The following MRPL1 variants were observed in gnomAD, a reference collection of about 807,000 sequenced individuals.
The protein encoded by MRPL1 is large ribosomal subunit protein uL1m.
Under a neutral mutation model 38.0 loss-of-function variants are expected in MRPL1, and 28 were observed. That is an observed-to-expected ratio of 0.74 (90% CI 0.55 to 1.01). The LOEUF is 1.01. Among genes scored for constraint, MRPL1 ranks in the 50% least tolerant of loss-of-function variants. The pLI is 0.00. For synonymous variants in MRPL1, 123 were observed against 126.7 expected, an observed-to-expected ratio of 0.97 and a Z score of 0.20; for missense variants, 358 against 389.8, an observed-to-expected ratio of 0.92 and a Z score of 0.69.
intron 2 of MRPL1, among the ~76,000 whole-genome samples, chr4:77,878,574 C>CT (rs1735454589): frequency 6.6e-6 from 1 of 152,060 alleles, no homozygotes; most frequent in Non-Finnish European, 1.5e-5. Flanking sequence ...TATTATATCT[C>CT]TGATTTTTAA....
intron 1 of MRPL1, among the ~76,000 whole-genome samples, chr4:77,867,746 C>CT (rs71214374): frequency 0.093 from 8,570 of 91,748 alleles, 938 homozygotes; most frequent in East Asian, 0.1. Flanking sequence ...ATAGTTATTT[C>CT]TTTTTTTTTT....
chr4:77,916,860 G>A (rs1736434949), intron 7 of MRPL1, among the ~76,000 whole-genome samples: 1 of 152,056 alleles, frequency 6.6e-6, no homozygotes, highest in South Asian at 2.1e-4. Context: ...AGTATATGTT[G>A]AAAATTTTAT....
intron 7 of MRPL1, among the ~76,000 whole-genome samples, chr4:77,935,678 G>A (rs886580038): frequency 1.3e-5 from 2 of 152,204 alleles, no homozygotes; most frequent in South Asian, 2.1e-4. Flanking sequence ...TTACAGGTAT[G>A]AGCCACTGTG....
At chr4:77,878,610 T>A (rs941177821) in intron 2 of MRPL1, among the ~76,000 whole-genome samples, 2 of 152,208 alleles carry the variant, frequency 1.3e-5, no homozygotes, top group Non-Finnish European at 2.9e-5. Context: ...CCAGGTGCAG[T>A]GGCTCATGTC....
chr4:77,898,067 AT>A (rs1735959055), intron 6 of MRPL1, among the ~76,000 whole-genome samples: 1 of 151,982 alleles, frequency 6.6e-6, no homozygotes, highest in South Asian at 2.1e-4. Flanking sequence ...AGGTCTTTGG[AT>A]TTACTGTTGC....
chr4:77,880,835 G>A (rs1735521120), intron 2 of MRPL1, among the ~76,000 whole-genome samples: 1 of 152,004 alleles, frequency 6.6e-6, no homozygotes, highest in African/African-American at 2.4e-5. Flanking sequence ...CATATCTATG[G>A]GTCAGCTGAC....
chr4:77,867,284 G>A (rs1192929484), intron 1 of MRPL1, among the ~76,000 whole-genome samples: 3 of 152,122 alleles, frequency 2.0e-5, no homozygotes, highest in Non-Finnish European at 2.9e-5. Context: ...CGTATTTGTT[G>A]AATGAATGAA....
chr4:77,868,658 A>G (rs920223922), intron 1 of MRPL1, among the ~76,000 whole-genome samples: 4 of 152,222 alleles, frequency 2.6e-5, no homozygotes, highest in African/African-American at 9.6e-5. Context: ...CTGAAGAAAT[A>G]ATGTTAAGTA....
chr4:77,869,791 A>G (rs564514106), intron 1 of MRPL1, among the ~76,000 whole-genome samples: 146 of 152,142 alleles, frequency 9.6e-4, no homozygotes, highest in Non-Finnish European at 1.7e-3. Flanking sequence ...CAGTTTCATC[A>G]TCTTGGTCAG....
chr4:77,888,784 A>G (rs1341350868), intron 5 of MRPL1, among the ~76,000 whole-genome samples: 1 of 152,132 alleles, frequency 6.6e-6, no homozygotes, highest in African/African-American at 2.4e-5. Flanking sequence ...ACGTATGTAT[A>G]TATGTACCAT....
intron 1 of MRPL1, among the ~76,000 whole-genome samples, chr4:77,865,983 A>G (rs1735133158): frequency 1.3e-5 from 2 of 152,142 alleles, no homozygotes; most frequent in East Asian, 1.9e-4. Context: ...GAGCACTTCA[A>G]ATTGGTTAAT....
At chr4:77,948,747 T>C (rs1348513304) in intron 7 of MRPL1, among the ~76,000 whole-genome samples, 1 of 152,044 alleles carries the variant, frequency 6.6e-6, no homozygotes, top group Non-Finnish European at 1.5e-5. Context: ...GCTACTATAA[T>C]TTTATATGAA....
At chr4:77,950,040 A>G (rs959535842) in intron 8 of MRPL1, among the ~76,000 whole-genome samples, 162 bp downstream of exon 8, 1 of 152,238 alleles carries the variant, frequency 6.6e-6, no homozygotes, top group African/African-American at 2.4e-5. Context: ...CCAGGGATTA[A>G]ATAAATAAAA....
chr4:77,924,190 T>C (rs1208685778), intron 7 of MRPL1, among the ~76,000 whole-genome samples: 1 of 148,538 alleles, frequency 6.7e-6, no homozygotes, highest in Non-Finnish European at 1.5e-5. Flanking sequence ...AGTTTGATGA[T>C]TGTTAGATTT....
chr4:77,883,191 A>ATTTTT (rs1735586515), intron 2 of MRPL1, 51 bp from the exon 3 acceptor site: 1 of 1,210,554 alleles, frequency 8.3e-7, no homozygotes, highest in African/African-American at 1.6e-5. Flanking sequence ...TTTTTTAAAA[A>ATTTTT]AAATCTCTTA....
chr4:77,871,977 C>T (rs897065409), intron 2 of MRPL1, 122 bp downstream of exon 2: 6 of 671,156 alleles, frequency 8.9e-6, no homozygotes, highest in African/African-American at 3.8e-5. Context: ...ATTTCTGCTT[C>T]ATCGACCTTA....
At chr4:77,896,739 A>G (rs1483862948) in intron 6 of MRPL1, among the ~76,000 whole-genome samples, 1 of 152,188 alleles carries the variant, frequency 6.6e-6, no homozygotes, top group Non-Finnish European at 1.5e-5. Context: ...GGGCGTGTGT[A>G]CATTTTGCAG....
intron 7 of MRPL1, among the ~76,000 whole-genome samples, chr4:77,910,513 C>T (rs1234532461): frequency 2.6e-5 from 4 of 152,164 alleles, no homozygotes; most frequent in Admixed American, 2.0e-4. Context: ...GTGGCATGCA[C>T]CTGTAGTCTA....
intron 5 of MRPL1, among the ~76,000 whole-genome samples, chr4:77,889,282 T>C (rs1171272326): frequency 6.6e-6 from 1 of 152,178 alleles, no homozygotes; most frequent in Non-Finnish European, 1.5e-5. Flanking sequence ...ACAAACTGTC[T>C]CTCAGACCAC....
Sources: gnomAD v4.1 joint callset for allele counts (sites outside exome capture counted in the v4.1 genomes callset) on GRCh38, gnomAD v4.1.1 for gene constraint, MANE v1.5 for transcripts, NCBI Gene and HGNC (gene_info 2026-07-23, HGNC 2026-07-21) for gene names.